ADCY2: variants seen among roughly 807,000 people sequenced by gnomAD.
ADCY2 encodes adenylate cyclase type 2.
In ADCY2, 31 loss-of-function variants were observed where a neutral mutation model predicts 125.2. The observed-to-expected ratio is 0.25, with a 90% confidence interval of 0.19 to 0.33. ADCY2 has a LOEUF of 0.33. Among genes scored for constraint, ADCY2 ranks in the 10% least tolerant of loss-of-function variants. The pLI is 1.00. For missense variants in ADCY2, 904 were observed against 1,418.2 expected (o/e 0.64, Z 5.82); for synonymous variants, 512 against 548.4 (o/e 0.93, Z 0.93).
At chr5:7,588,191 A>G (rs1736694921) in intron 3 of ADCY2, among the ~76,000 whole-genome samples, 1 of 152,200 alleles carries the variant, frequency 6.6e-6, no homozygotes, top group African/African-American at 2.4e-5. Flanking sequence ...TCTATCAGAA[A>G]TATTTTTAAA....
chr5:7,565,836 C>G (rs1735876417), intron 3 of ADCY2, among the ~76,000 whole-genome samples: 1 of 152,130 alleles, frequency 6.6e-6, no homozygotes, highest in Non-Finnish European at 1.5e-5. Context: ...CCCTTAGAAT[C>G]CCAGAGCACT....
At chr5:7,822,989 G>T (rs1438272283) in intron 24 of ADCY2, among the ~76,000 whole-genome samples, 1 of 152,122 alleles carries the variant, frequency 6.6e-6, no homozygotes, top group Non-Finnish European at 1.5e-5. Flanking sequence ...GCACAGACTG[G>T]CACAGTCCTT....
chr5:7,757,344 A>G (rs372299668), intron 15 of ADCY2, 105 bp from the exon 16 acceptor site: 9 of 1,414,888 alleles, frequency 6.4e-6, no homozygotes, highest in African/African-American at 1.4e-5. Context: ...TGTTTAGTCT[A>G]TGAACAATGT....
chr5:7,509,366 C>T (rs533997305), intron 2 of ADCY2, among the ~76,000 whole-genome samples: 5 of 152,276 alleles, frequency 3.3e-5, no homozygotes, highest in East Asian at 1.9e-4. Flanking sequence ...ACCGTCCTTT[C>T]GCACAGCGTA....
chr5:7,731,438 T>C (rs531253721), intron 14 of ADCY2, among the ~76,000 whole-genome samples: 1 of 151,748 alleles, frequency 6.6e-6, no homozygotes, highest in African/African-American at 2.4e-5. Context: ...GTATTTTTAG[T>C]AGAGACAGGG....
intron 5 of ADCY2, among the ~76,000 whole-genome samples, chr5:7,693,669 C>T (rs1024368739): frequency 3.9e-5 from 6 of 152,188 alleles, no homozygotes; most frequent in Middle Eastern, 3.4e-3. Flanking sequence ...GTGATCCACC[C>T]GCCTTGGCCT....
At chr5:7,492,880 G>T (rs978575964) in intron 2 of ADCY2, among the ~76,000 whole-genome samples, 70 of 152,192 alleles carry the variant, frequency 4.6e-4, no homozygotes, top group Non-Finnish European at 1.0e-4. Context: ...CCTGCATTCA[G>T]TGGTGCAGTA....
chr5:7,818,922 AG>A (rs1484723710), intron 23 of ADCY2, among the ~76,000 whole-genome samples: 1 of 151,968 alleles, frequency 6.6e-6, no homozygotes, highest in Non-Finnish European at 1.5e-5. Flanking sequence ...GTATATATAA[AG>A]GAAAGTTTAT....
chr5:7,749,212 G>A (rs1742727901), intron 15 of ADCY2, among the ~76,000 whole-genome samples: 1 of 152,052 alleles, frequency 6.6e-6, no homozygotes, highest in African/African-American at 2.4e-5. Context: ...TCAGCTGTTG[G>A]TCCCATTTAT....
At chr5:7,753,657 A>G (rs768427560) in intron 15 of ADCY2, among the ~76,000 whole-genome samples, 1 of 152,188 alleles carries the variant, frequency 6.6e-6, no homozygotes, top group East Asian at 1.9e-4. Flanking sequence ...TTTTCTACAG[A>G]GCTACACACT....
chr5:7,569,948 A>C (rs1007105969), intron 3 of ADCY2, among the ~76,000 whole-genome samples: 1 of 151,280 alleles, frequency 6.6e-6, no homozygotes, highest in African/African-American at 2.5e-5. Flanking sequence ...ATAAACATTA[A>C]TTAATTATTA....
At chr5:7,680,471 G>A (rs1306240702) in intron 4 of ADCY2, among the ~76,000 whole-genome samples, 1 of 152,204 alleles carries the variant, frequency 6.6e-6, no homozygotes, top group Non-Finnish European at 1.5e-5. Context: ...TACAGTGCAT[G>A]ACCTATCTGA....
chr5:7,804,621 A>G lies in ADCY2; in HGVS notation c.2812A>G (p.Ile938Val). 3 of 1,614,218 alleles carry G rather than the reference A, an allele frequency of 1.9e-6. No individual in the cohort carries two copies. Among genetic ancestry groups the G allele is most frequent in the Non-Finnish European group, 2.5e-6 (3 of 1,180,044 alleles). ...GCCAAAATTCAGTGGAGTTGAAAAG[A>G]TTAAGACCATTGGCAGCACATACAT... The part of the protein sequence containing the change: ...SKPKFSGVEK[I>V]KTIGSTYMAA... The change falls in exon 22 of 25, where the codon ATT (isoleucine) becomes GTT (valine). Residue 938 changes from isoleucine to valine, a missense_variant. Physicochemically the swap from Ile to Val is conservative, Grantham distance 29 (BLOSUM62 3). Around this residue, in one of 7 missense-constraint regions of ADCY2, gnomAD observed 181 missense variants for 381.6 expected, o/e 0.47. Coordinates refer to ENST00000338316, the MANE Select transcript of ADCY2 (RefSeq NM_020546.3).
In ADCY2 at chr5:7,473,372, G is replaced by C. The variant is rs572970171; in HGVS notation, c.409-47366G>C. Among the ~76,000 whole-genome samples, 226 of 152,124 alleles carry C rather than the reference G, an allele frequency of 1.5e-3. 1 individual carries two copies. Among genetic ancestry groups the C allele is most frequent in the African/African-American group, 5.0e-3 (207 of 41,500 alleles). The stretch of plus-strand genomic sequence containing the variant: ...TGGTGAGAGAGAAGCAAGAGAGAGT[G>C]GGGGGAGGTGCCAGGCTCTTTTGAA... On this transcript the variant is annotated intron_variant, in intron 2 of 24. Coordinates refer to ENST00000338316, the MANE Select transcript of ADCY2 (RefSeq NM_020546.3).
At chr5:7,634,680 T>C (rs1300337843) in intron 4 of ADCY2, among the ~76,000 whole-genome samples, 1 of 151,942 alleles carries the variant, frequency 6.6e-6, no homozygotes, top group Non-Finnish European at 1.5e-5. Flanking sequence ...AAAGCCCTCT[T>C]GTCCTATTTA....
At chr5:7,766,928 C>T in intron 17 of ADCY2, 122 bp downstream of exon 17, 1 of 1,262,896 alleles carries the variant, frequency 7.9e-7, no homozygotes. Context: ...GTATCAATCC[C>T]TGAGTGGTTC....
chr5:7,529,558 C>T (rs6555473), intron 3 of ADCY2, among the ~76,000 whole-genome samples: 67,653 of 151,680 alleles, frequency 0.45, 16,761 homozygotes, highest in South Asian at 0.57. Flanking sequence ...GACATGGAAG[C>T]GAATGTGAGA....
chr5:7,651,648 A>G (rs966485571), intron 4 of ADCY2, among the ~76,000 whole-genome samples: 1 of 151,906 alleles, frequency 6.6e-6, no homozygotes, highest in African/African-American at 2.4e-5. Context: ...CAGCCCACTG[A>G]CTCAAATGTT....
chr5:7,460,023 C>T (rs1475863471), intron 2 of ADCY2, among the ~76,000 whole-genome samples: 8 of 151,542 alleles, frequency 5.3e-5, no homozygotes, highest in East Asian at 1.9e-4. Context: ...CCTGACCTCG[C>T]GATCCACCTG....
Sources: gnomAD v4.1 joint callset for allele counts (sites outside exome capture counted in the v4.1 genomes callset) on GRCh38, gnomAD v4.1.1 for gene constraint, gnomAD v4.1.1 regional missense constraint, MANE v1.5 for transcripts, NCBI Gene and HGNC (gene_info 2026-07-23, HGNC 2026-07-21) for gene names.